Variants in TUBA1C observed in about 807,000 individuals in gnomAD.
TUBA1C encodes tubulin alpha-1C chain.
TUBA1C carries 16 observed loss-of-function variants against 34.9 expected under a neutral mutation model. The observed-to-expected ratio is 0.46, with a 90% CI of 0.31 to 0.70. The LOEUF is 0.70. Ranked by LOEUF, TUBA1C falls within the 30% of genes least tolerant of loss-of-function variation. The pLI is 0.05. For synonymous variants in TUBA1C, 177 were observed against 215.9 expected (o/e 0.82, Z 1.58); for missense variants, 329 against 587.3 (o/e 0.56, Z 4.55).
chr12:49,268,263 T>TA (rs1045246522), intron 1 of TUBA1C, among the ~76,000 whole-genome samples: 20 of 152,206 alleles, frequency 1.3e-4, no homozygotes, highest in Non-Finnish European at 2.2e-4. Flanking sequence ...CATGCCTGGC[T>TA]AATTCTTGTA....
rs55917430 is a variant in TUBA1C, at chr12:49,274,358, C to T, written c.*1131C>T. On this transcript the variant is annotated 3_prime_UTR_variant, in exon 4 of 4. Transcript: ENST00000301072. Reference sequence around the variant, plus strand: ...CCATGTTGCTTAGGCTGGCCTTGAACTCCTGGGCTCAGGCAATCCTGCCTC... The same window carrying T: ...CCATGTTGCTTAGGCTGGCCTTGAATTCCTGGGCTCAGGCAATCCTGCCTC... The T allele has an allele frequency of 8.0e-6, 1 of 125,660 alleles. No individual in the cohort carries two copies. Among genetic ancestry groups the T allele is most frequent in the African/African-American group, 3.1e-5 (1 of 32,526 alleles). 7.8% of individuals were successfully genotyped at this position (125,660 alleles called of 1,614,324 possible).
In TUBA1C at chr12:49,273,082, G is replaced by A. The variant is rs1433650540; in HGVS notation, c.1205G>A (p.Arg402His). Reference protein sequence around the residue: ...DHKFDLMYAKRAFVHWYVGEG... With the variant: ...DHKFDLMYAKHAFVHWYVGEG... ...AAGTTTGACCTGATGTATGCCAAGC[G>A]TGCCTTTGTTCACTGGTACGTGGGT... Residue 402 changes from arginine (R) to histidine (H), a missense_variant, in exon 4 of 4, where the codon CGT (arginine) becomes CAT (histidine). Transcript: ENST00000301072. 4 of 1,614,226 alleles carry A rather than the reference G, an allele frequency of 2.5e-6. No homozygotes were observed. The highest frequency in any genetic ancestry group is 2.2e-5 in the South Asian group (2 of 91,090).
chr12:49,255,544 A>G (rs893460074), intron 1 of TUBA1C, among the ~76,000 whole-genome samples: 6 of 151,344 alleles, frequency 4.0e-5, no homozygotes, highest in Non-Finnish European at 5.9e-5. Context: ...GAACCACTCT[A>G]CCTGGTAGAT....
Position 49,269,868 on chromosome 12 carries a change from T to G in TUBA1C, c.267T>G (p.Pro89=), listed in dbSNP as rs139840621. 1 of 1,614,108 alleles carries G rather than the reference T, an allele frequency of 6.2e-7. No individual in the cohort carries two copies. Among genetic ancestry groups the G allele is most frequent in the Non-Finnish European group, 8.5e-7 (1 of 1,180,034 alleles). ...GCACTTACCGCCAGCTCTTCCACCC[T>G]GAGCAACTCATCACAGGCAAGGAAG... ...RTGTYRQLFH[P]EQLITGKEDA... Residue 89 remains proline (P), a synonymous_variant, in exon 3 of 4, where the codon CCT becomes CCG. Transcript: ENST00000301072.
At chr12:49,257,624 C>G (rs1424597076) in intron 1 of TUBA1C, among the ~76,000 whole-genome samples, 1 of 151,676 alleles carries the variant, frequency 6.6e-6, no homozygotes, top group Non-Finnish European at 1.5e-5. Context: ...ACAAAAAATA[C>G]AAAAAATTAG....
chr12:49,249,609 T>C (rs914944666), intron 1 of TUBA1C, among the ~76,000 whole-genome samples: 1 of 152,016 alleles, frequency 6.6e-6, no homozygotes, highest in Admixed American at 6.6e-5. Context: ...CCTATAATCC[T>C]AGCACTTTGG....
At chr12:49,267,621 CAGAGCG>C (rs1224985329) in intron 1 of TUBA1C, among the ~76,000 whole-genome samples, 5 of 152,158 alleles carry the variant, frequency 3.3e-5, no homozygotes, top group Admixed American at 3.3e-4. Flanking sequence ...GCCTGGGCGA[CAGAGCG>C]AGACTTTTTC....
Position 49,274,323 on chromosome 12 carries a change from T to C in TUBA1C, c.*1096T>C, listed in dbSNP as rs1943034082. 8.1e-6 allele frequency: 1 copy of C among 123,970 alleles called. No individual in the cohort carries two copies. 7.7% of individuals were successfully genotyped at this position (123,970 alleles called of 1,614,324 possible). On this transcript the variant is annotated 3_prime_UTR_variant, in exon 4 of 4. Coordinates refer to ENST00000301072, the MANE Select transcript of TUBA1C (RefSeq NM_032704.5). ...TTTTTTTTTTTTTTTTTGGTAGAGA[T>C]GGGGTTTTGCCATGTTGCTTAGGCT... is the stretch of plus-strand genomic sequence containing the variant.
chr12:49,249,269 A>C (rs1942708242), intron 1 of TUBA1C, among the ~76,000 whole-genome samples: 1 of 151,938 alleles, frequency 6.6e-6, no homozygotes, highest in South Asian at 2.1e-4. Context: ...CTCCACTAAA[A>C]ATACAAAATT....
At chr12:49,246,446 G>A (rs538678977) in intron 1 of TUBA1C, among the ~76,000 whole-genome samples, 4 of 151,880 alleles carry the variant, frequency 2.6e-5, no homozygotes, top group Middle Eastern at 3.4e-3. Context: ...TTGGGAGGCC[G>A]AGGCGGGCGG....
At chr12:49,229,132 A>G (rs1212450071) in intron 1 of TUBA1C, among the ~76,000 whole-genome samples, 4 of 152,120 alleles carry the variant, frequency 2.6e-5, no homozygotes, top group African/African-American at 9.7e-5. Context: ...AGCTTGGTGT[A>G]TTTGTATCAC....
intron 1 of TUBA1C, among the ~76,000 whole-genome samples, 161 bp from the exon 2 acceptor site, chr12:49,269,304 C>A (rs1303113195): frequency 6.6e-6 from 1 of 152,154 alleles, no homozygotes; most frequent in Non-Finnish European, 1.5e-5. Flanking sequence ...CTCAGGTGAT[C>A]CACCTGCCTC....
intron 1 of TUBA1C, among the ~76,000 whole-genome samples, chr12:49,242,315 A>G (rs1217484245): frequency 6.6e-6 from 1 of 152,062 alleles, no homozygotes; most frequent in African/African-American, 2.4e-5. Context: ...TTCTTAGACA[A>G]GGTGGCATGA....
intron 1 of TUBA1C, among the ~76,000 whole-genome samples, chr12:49,252,942 C>G (rs1210810753): frequency 6.6e-6 from 1 of 150,512 alleles, no homozygotes; most frequent in African/African-American, 2.4e-5. Flanking sequence ...AAAAATTAGT[C>G]AAGTGTGGTA....
chr12:49,272,387 C>T lies in TUBA1C; in HGVS notation c.510C>T (p.Ser170=), dbSNP rs113331886. The change falls in exon 4 of 4, where the codon TCC becomes TCT. Residue 170 remains serine, a synonymous_variant. Transcript: ENST00000301072. ...GCAAGAAGTCCAAGCTGGAGTTCTC[C>T]ATTTACCCGGCGCCCCAGGTTTCCA... is the stretch of plus-strand genomic sequence containing the variant. The part of the protein sequence containing the change: ...DYGKKSKLEF[S]IYPAPQVSTA... 0.015 allele frequency: 23,896 copies of T among 1,611,460 alleles called. 293 individuals are homozygous for T. Among genetic ancestry groups the T allele is most frequent in the Admixed American group, 0.042 (2,484 of 59,770 alleles).
Position 49,227,941 on chromosome 12 carries a change from G to T in TUBA1C, c.-13G>T, listed in dbSNP as rs982640888. 2.0e-5 allele frequency: 30 copies of T among 1,535,070 alleles called. No individual in the cohort carries two copies. In the African/African-American group the frequency reaches 3.7e-4, roughly 19 times the overall value. On this transcript the variant is annotated 5_prime_UTR_variant, in exon 1 of 4. Transcript: ENST00000541364. ...AAGTAGAAGAAAGTGAACAATGGGC[G>T]CCCAGCTCTAAAATGACAGCCTGGT...
intron 1 of TUBA1C, among the ~76,000 whole-genome samples, chr12:49,239,731 G>A (rs1942592661): frequency 6.6e-6 from 1 of 152,090 alleles, no homozygotes; most frequent in South Asian, 2.1e-4. Context: ...GGCTGAGTCG[G>A]GAGGATCGTG....
chr12:49,240,077 C>CACACACACA, intron 1 of TUBA1C, among the ~76,000 whole-genome samples: 1 of 149,236 alleles, frequency 6.7e-6, no homozygotes, highest in African/African-American at 2.5e-5. Context: ...CACACACACA[C>CACACACACA]CCTGCCTTTT....
chr12:49,236,220 C>G (rs1299966599), intron 1 of TUBA1C, among the ~76,000 whole-genome samples: 1 of 152,214 alleles, frequency 6.6e-6, no homozygotes, highest in Non-Finnish European at 1.5e-5. Flanking sequence ...ACATGAGGGT[C>G]TAAATGCATT....
Sources: gnomAD v4.1 joint callset for allele counts (sites outside exome capture counted in the v4.1 genomes callset) on GRCh38, gnomAD v4.1.1 for gene constraint, MANE v1.5 for transcripts, NCBI Gene and HGNC (gene_info 2026-07-23, HGNC 2026-07-21) for gene names.